Variants in SRPK2 observed in about 807,000 individuals in gnomAD.
The protein encoded by SRPK2 is SRSF protein kinase 2, also known as SFRS protein kinase 2.
SRPK2 carries 21 observed loss-of-function variants against 90.8 expected under a neutral mutation model. The observed-to-expected ratio is 0.23, with a 90% confidence interval of 0.16 to 0.33. The LOEUF is 0.33. SRPK2 is among the 10% of genes least tolerant of loss of function. The pLI, the probability that SRPK2 is intolerant of heterozygous loss-of-function variation, is 1.00. For missense variants in SRPK2, 620 were observed against 869.0 expected, an observed-to-expected ratio of 0.71 and a Z score of 3.60; for synonymous variants, 288 against 311.1, an observed-to-expected ratio of 0.93 and a Z score of 0.78.
At chr7:105,286,783 T>A (rs1443697572) in intron 2 of SRPK2, among the ~76,000 whole-genome samples, 1 of 152,212 alleles carries the variant, frequency 6.6e-6, no homozygotes, top group Non-Finnish European at 1.5e-5. Flanking sequence ...TTGATTTAAA[T>A]ATGAAGAATG....
chr7:105,388,216 C>T (rs1292733525), intron 2 of SRPK2, among the ~76,000 whole-genome samples: 1 of 151,946 alleles, frequency 6.6e-6, no homozygotes, highest in Middle Eastern at 3.2e-3. Context: ...CTCCTCGGCC[C>T]GCGGCTCAGG....
chr7:105,185,156 C>CATA, intron 3 of SRPK2, among the ~76,000 whole-genome samples: 1 of 151,780 alleles, frequency 6.6e-6, no homozygotes, highest in East Asian at 1.9e-4. Context: ...AGAAACATAA[C>CATA]TGATCTTAGA....
chr7:105,370,974 C>T (rs981444708), intron 2 of SRPK2, among the ~76,000 whole-genome samples: 6 of 151,820 alleles, frequency 4.0e-5, no homozygotes, highest in Non-Finnish European at 8.8e-5. Flanking sequence ...CTATGTGGAG[C>T]GTAATTCAAA....
In SRPK2 at chr7:105,117,628, T is replaced by C. The variant is rs1799757579; in HGVS notation, c.*210A>G. 11 of 569,728 alleles carry C rather than the reference T, an allele frequency of 1.9e-5. No homozygotes were observed. The East Asian group carries it at 3.3e-4, about 17-fold the overall frequency. The allele number at this position is 569,728 out of a possible 1,614,324, so 35.3% of individuals were successfully genotyped here. A position where few individuals can be genotyped will look rare whatever the true frequency, so the allele number is the denominator to read the frequency against. ...ATTGTTTCCAGAAGAAAATGGTCAG[T>C]AAACTACTTAGCTGAAGACAAAAGA... On this transcript the variant is annotated 3_prime_UTR_variant, in exon 16 of 16. Transcript: ENST00000393651.
chr7:105,217,824 G>A (rs1378579565), intron 2 of SRPK2, among the ~76,000 whole-genome samples: 2 of 152,156 alleles, frequency 1.3e-5, no homozygotes, highest in Non-Finnish European at 2.9e-5. Context: ...ATAAAACAAG[G>A]CAGAACGTAG....
chr7:105,336,712 AATTTAACACTCTGAGTTCCCAATTC>A, intron 2 of SRPK2, among the ~76,000 whole-genome samples: 2 of 152,206 alleles, frequency 1.3e-5, no homozygotes, highest in African/African-American at 4.8e-5. Flanking sequence ...AAGCATAACA[AATTTAACACTCTGAGTTCCCAATTC>A]TAATAAATCA....
intron 3 of SRPK2, among the ~76,000 whole-genome samples, chr7:105,181,344 G>A (rs1423070499): frequency 6.6e-6 from 1 of 152,112 alleles, no homozygotes; most frequent in African/African-American, 2.4e-5. Flanking sequence ...GTTATCATTC[G>A]ACCCAGCAAT....
Position 105,134,202 on chromosome 7 carries a change from G to A in SRPK2, c.1544-1098C>T, listed in dbSNP as rs142579227. On this transcript the variant is annotated intron_variant, in intron 11 of 15. Transcript: ENST00000393651. ...TGTGTCCCTGCCCATAACTCATGTC[G>A]AATTGTAATCCCTAGTGTTAGAAGA... Among the ~76,000 whole-genome samples, 540 of 152,218 alleles carry A rather than the reference G, an allele frequency of 3.5e-3. 11 individuals are homozygous for A. In the East Asian group the frequency reaches 0.061, roughly 17 times the overall value.
chr7:105,200,734 G>A (rs538348081), intron 3 of SRPK2, among the ~76,000 whole-genome samples: 2 of 152,272 alleles, frequency 1.3e-5, no homozygotes, highest in Non-Finnish European at 1.5e-5. Context: ...ATCCCAAATT[G>A]AGAAACATTA....
At chr7:105,149,644 G>A (rs528294718) in intron 7 of SRPK2, among the ~76,000 whole-genome samples, 10 of 152,108 alleles carry the variant, frequency 6.6e-5, no homozygotes, top group Non-Finnish European at 1.5e-4. Flanking sequence ...CCACAGGTGT[G>A]GAGGGGCAGG....
chr7:105,356,799 A>C (rs1290556119), intron 2 of SRPK2, among the ~76,000 whole-genome samples: 1 of 152,186 alleles, frequency 6.6e-6, no homozygotes, highest in Non-Finnish European at 1.5e-5. Context: ...TAAAAATGCA[A>C]GTATCTCTTC....
At chr7:105,255,940 AG>A (rs71865451) in intron 2 of SRPK2, among the ~76,000 whole-genome samples, 52,477 of 148,504 alleles carry the variant, frequency 0.35, 9,841 homozygotes, top group South Asian at 0.5. Context: ...AAAAAAAAAA[AG>A]AGAGAGAGCG....
intron 3 of SRPK2, among the ~76,000 whole-genome samples, chr7:105,170,782 CGGGAGGGAGGGAGGGA>C (rs1186265835): frequency 3.4e-5 from 1 of 29,338 alleles, no homozygotes; most frequent in Non-Finnish European, 5.9e-5. Flanking sequence ...GAAGGAAGGA[CGGGAGGGAGGGAGGGA>C]GGGAGGGAGA....
intron 2 of SRPK2, among the ~76,000 whole-genome samples, chr7:105,293,433 C>T (rs1461053595): frequency 7.0e-6 from 1 of 143,486 alleles, no homozygotes; most frequent in Non-Finnish European, 1.5e-5. Flanking sequence ...TAGGTAGATA[C>T]AAATATCATT....
chr7:105,226,445 CATACCTGGCTAACTTTAGT>C (rs1241094636), intron 2 of SRPK2, among the ~76,000 whole-genome samples: 1 of 152,072 alleles, frequency 6.6e-6, no homozygotes, highest in African/African-American at 2.4e-5. Context: ...TGCGCGCCAC[CATACCTGGCTAACTTTAGT>C]ATTTTTAGTA....
chr7:105,247,531 A>ACACACACACACACACAC (rs1801851645), intron 2 of SRPK2, among the ~76,000 whole-genome samples: 1 of 145,162 alleles, frequency 6.9e-6, no homozygotes, highest in Non-Finnish European at 1.5e-5. Flanking sequence ...CACACACATA[A>ACACACACACACACACAC]ACACACACAC....
At chr7:105,357,443 A>G (rs576650781) in intron 2 of SRPK2, among the ~76,000 whole-genome samples, 1 of 152,208 alleles carries the variant, frequency 6.6e-6, no homozygotes, top group Non-Finnish European at 1.5e-5. Flanking sequence ...ACAAACCTAA[A>G]TAGAGATGAC....
chr7:105,233,240 C>T lies in SRPK2; in HGVS notation c.72-29455G>A, dbSNP rs886346730. Among the ~76,000 whole-genome samples the T allele has an allele frequency of 2.0e-5, 3 of 152,054 alleles. No individual in the cohort carries two copies. The South Asian group carries it at 6.2e-4, about 32-fold the overall frequency. On this transcript the variant is annotated intron_variant, in intron 2 of 15. Transcript: ENST00000393651. ...AGTGGCTGTCTATAGTCACGCCACC[C>T]TGAAAACACCTAATCGCATCTGAAA...
At chr7:105,398,850 T>G (rs1206844136) in intron 1 of SRPK2, among the ~76,000 whole-genome samples, 1 of 152,176 alleles carries the variant, frequency 6.6e-6, no homozygotes, top group Non-Finnish European at 1.5e-5. Flanking sequence ...AGCAAATTAG[T>G]CTCTCTGTGC....
Sources: allele counts gnomAD v4.1 joint callset (sites outside exome capture counted in the v4.1 genomes callset), GRCh38; gene constraint gnomAD v4.1.1; transcripts MANE v1.5; gene names NCBI Gene and HGNC (gene_info 2026-07-23, HGNC 2026-07-21).